PCDH9: variants seen among roughly 807,000 people sequenced by gnomAD.
PCDH9 encodes the protein protocadherin 9.
In PCDH9, 24 loss-of-function variants were observed where a neutral mutation model predicts 70.6. The observed-to-expected ratio is 0.34, with a 90% CI of 0.25 to 0.48. The LOEUF (loss-of-function observed/expected upper bound fraction) is 0.48, where lower values mean the gene tolerates loss of function less well. Among genes scored for constraint, PCDH9 ranks in the 20% least tolerant of loss-of-function variants. The pLI is 0.99. For synonymous variants in PCDH9, 562 were observed against 558.5 expected (o/e 1.01, Z -0.09); for missense variants, 1,281 against 1,503.6 (o/e 0.85, Z 2.45).
chr13:67,170,878 T>C (rs955201741), intron 2 of PCDH9, among the ~76,000 whole-genome samples: 4 of 152,078 alleles, frequency 2.6e-5, no homozygotes, highest in African/African-American at 9.7e-5. Flanking sequence ...TGAGCCAAGA[T>C]TGCGCCACTG....
At chr13:67,016,414 T>A (rs1425572428) in intron 2 of PCDH9, among the ~76,000 whole-genome samples, 7 of 152,284 alleles carry the variant, frequency 4.6e-5, no homozygotes, top group African/African-American at 1.7e-4. Context: ...GTAAAACAGT[T>A]TGAGCTACTC....
In PCDH9 at chr13:66,968,200, A is replaced by C. The variant is rs115898019; in HGVS notation, c.3037-64595T>G. On this transcript the variant is annotated intron_variant, in intron 2 of 4. Transcript: ENST00000377865. Reference sequence around the variant, plus strand: ...TTGCAGGTGACTATAACACTTTCCCAACCAACTATCCTTACATGGCTTTAT... The same window carrying C: ...TTGCAGGTGACTATAACACTTTCCCCACCAACTATCCTTACATGGCTTTAT... Among the ~76,000 whole-genome samples, 1,241 of 152,158 alleles carry C rather than the reference A, an allele frequency of 8.2e-3. 22 individuals carry two copies. The highest frequency in any genetic ancestry group is 0.029 in the African/African-American group (1,193 of 41,534).
intron 2 of PCDH9, chr13:66,978,580 G>C (rs888243838): frequency 6.6e-6 from 1 of 151,192 alleles, no homozygotes; most frequent in Non-Finnish European, 1.5e-5. Flanking sequence ...TAATTATTCA[G>C]ACTTCTTTTG....
intron 4 of PCDH9, among the ~76,000 whole-genome samples, chr13:66,509,992 A>G (rs1286717105): frequency 6.6e-6 from 1 of 152,188 alleles, no homozygotes. Context: ...GAAATTTTAA[A>G]TATGTTTCCA....
At position 67,016,486 on chromosome 13, in the gene PCDH9, G is replaced by C. The variant is rs561286957; in HGVS notation, c.3037-112881C>G. 8.5e-5 allele frequency among the ~76,000 whole-genome samples: 13 copies of C among 152,268 alleles called. No homozygotes were observed. The East Asian group carries it at 2.5e-3, about 29-fold the overall frequency. ...GATAAATTGGATTCACAAATAAGTG[G>C]ATTGGCTCAAAGCCATTATAGAGAG... On this transcript the variant is annotated intron_variant, in intron 2 of 4. Coordinates refer to ENST00000377865, the MANE Select transcript of PCDH9 (RefSeq NM_203487.3).
At position 66,753,046 on chromosome 13, in the gene PCDH9, T is replaced by C. The variant is rs566905509; in HGVS notation, c.3139-121635A>G. Among the ~76,000 whole-genome samples, 16 of 152,280 alleles carry C rather than the reference T, an allele frequency of 1.1e-4. No homozygotes were observed. The East Asian group carries it at 3.1e-3, about 29-fold the overall frequency. Reference sequence around the variant, plus strand: ...AATTTTGGAGTCTTCTAAAAAGAGATAGTGTTTGTTTTTCATTAGGATTTA... The same window carrying C: ...AATTTTGGAGTCTTCTAAAAAGAGACAGTGTTTGTTTTTCATTAGGATTTA... On this transcript the variant is annotated intron_variant, in intron 3 of 4. Transcript: ENST00000377865.
At chr13:66,455,523 A>T (rs961942334) in intron 4 of PCDH9, among the ~76,000 whole-genome samples, 4 of 152,050 alleles carry the variant, frequency 2.6e-5, no homozygotes, top group Non-Finnish European at 5.9e-5. Flanking sequence ...GAATCCCAAT[A>T]AAGTTTTTGA....
At chr13:67,053,277 A>G (rs563436100) in intron 2 of PCDH9, among the ~76,000 whole-genome samples, 1 of 152,336 alleles carries the variant, frequency 6.6e-6, no homozygotes, top group South Asian at 2.1e-4. Flanking sequence ...ATATGTTTAG[A>G]ACTTTACTTT....
intron 3 of PCDH9, among the ~76,000 whole-genome samples, chr13:66,850,184 A>T (rs1373649853): frequency 6.6e-6 from 1 of 152,232 alleles, no homozygotes; most frequent in Non-Finnish European, 1.5e-5. Context: ...ACACCACTAG[A>T]GAAACATATT....
At chr13:66,659,844 C>G (rs1377314036) in intron 3 of PCDH9, among the ~76,000 whole-genome samples, 1 of 151,848 alleles carries the variant, frequency 6.6e-6, no homozygotes, top group Admixed American at 6.6e-5. Context: ...CTAGGACTAG[C>G]GCATGTACAA....
chr13:66,434,219 G>A (rs1957826352), intron 4 of PCDH9, among the ~76,000 whole-genome samples: 1 of 151,844 alleles, frequency 6.6e-6, no homozygotes, highest in Admixed American at 6.6e-5. Context: ...TTTATGGTAT[G>A]ATTTTACATG....
chr13:66,848,927 CAAAAAAAAAAAA>C (rs745587776), intron 3 of PCDH9, among the ~76,000 whole-genome samples: 17 of 51,300 alleles, frequency 3.3e-4, no homozygotes, highest in African/African-American at 1.4e-3. Flanking sequence ...GACTCCGTCT[CAAAAAAAAAAAA>C]AAAAAAAAAA....
At chr13:67,145,858 A>ATT (rs2087510965) in intron 2 of PCDH9, among the ~76,000 whole-genome samples, 1 of 152,086 alleles carries the variant, frequency 6.6e-6, no homozygotes, top group Non-Finnish European at 1.5e-5. Flanking sequence ...ACTTCAAAAG[A>ATT]GATGATATAT....
chr13:67,074,440 C>T (rs184115645), intron 2 of PCDH9, among the ~76,000 whole-genome samples: 32 of 152,120 alleles, frequency 2.1e-4, no homozygotes, highest in Non-Finnish European at 4.3e-4. Context: ...TGTTGTTAAG[C>T]TACCTGCTCT....
chr13:66,671,905 A>G (rs915468033), intron 3 of PCDH9, among the ~76,000 whole-genome samples: 1 of 152,226 alleles, frequency 6.6e-6, no homozygotes, highest in African/African-American at 2.4e-5. Flanking sequence ...CAGAAATTCA[A>G]GCTGGCTGCA....
intron 3 of PCDH9, among the ~76,000 whole-genome samples, chr13:66,708,403 G>GTTTTTTTT (rs36087870): frequency 4.4e-5 from 6 of 136,984 alleles, no homozygotes; most frequent in South Asian, 2.3e-4. Flanking sequence ...TTGAGATTTA[G>GTTTTTTTT]TTTTTTTTTT....
intron 2 of PCDH9, among the ~76,000 whole-genome samples, chr13:66,931,373 T>C (rs548028418): frequency 1.3e-5 from 2 of 152,166 alleles, no homozygotes; most frequent in East Asian, 3.9e-4. Context: ...AAGAATAAAA[T>C]GAATTCATCC....
At chr13:66,661,370 G>A (rs2078006284) in intron 3 of PCDH9, among the ~76,000 whole-genome samples, 1 of 152,152 alleles carries the variant, frequency 6.6e-6, no homozygotes, top group Non-Finnish European at 1.5e-5. Context: ...CCCCTCACCA[G>A]CTCTTCCCCA....
chr13:66,362,360 A>G (rs1956485392), intron 4 of PCDH9, among the ~76,000 whole-genome samples: 1 of 152,160 alleles, frequency 6.6e-6, no homozygotes, highest in Non-Finnish European at 1.5e-5. Flanking sequence ...AATACTATTC[A>G]GTTTAAGCAT....
Sources: gnomAD v4.1 joint callset for allele counts (sites outside exome capture counted in the v4.1 genomes callset) on GRCh38, gnomAD v4.1.1 for gene constraint, MANE v1.5 for transcripts, NCBI Gene and HGNC (gene_info 2026-07-23, HGNC 2026-07-21) for gene names.